Variants in HTRA1 observed in about 807,000 individuals in gnomAD.
HTRA1 encodes the protein serine protease HTRA1.
Under a neutral mutation model 49.7 loss-of-function variants are expected in HTRA1, and 26 were observed. The observed-to-expected ratio is 0.52, with a 90% CI of 0.38 to 0.73. HTRA1 has a LOEUF of 0.73. HTRA1 is among the 30% of genes least tolerant of loss of function. The pLI, the probability that HTRA1 is intolerant of heterozygous loss-of-function variation, is 0.00. For synonymous variants in HTRA1, 291 were observed against 286.9 expected, an observed-to-expected ratio of 1.01 and a Z score of -0.14; for missense variants, 561 against 667.2, an observed-to-expected ratio of 0.84 and a Z score of 1.75.
At chr10:122,503,776 C>A (rs1214587522) in intron 3 of HTRA1, among the ~76,000 whole-genome samples, 2 of 152,164 alleles carry the variant, frequency 1.3e-5, no homozygotes, top group East Asian at 1.9e-4. Context: ...CAATGTGAGA[C>A]CCCTCCCCAC....
At chr10:122,511,367 G>C (rs2097505483) in intron 7 of HTRA1, among the ~76,000 whole-genome samples, 1 of 152,160 alleles carries the variant, frequency 6.6e-6, no homozygotes, top group African/African-American at 2.4e-5. Flanking sequence ...GGCCGAGCTA[G>C]GGCTGCAAAC....
intron 8 of HTRA1, among the ~76,000 whole-genome samples, chr10:122,513,253 T>A (rs758971213): frequency 6.6e-6 from 1 of 152,128 alleles, no homozygotes; most frequent in Non-Finnish European, 1.5e-5. Flanking sequence ...AGGAAGTGCC[T>A]CTTAACAGAA....
At chr10:122,500,930 C>T (rs568732613) in intron 3 of HTRA1, among the ~76,000 whole-genome samples, 1 of 152,258 alleles carries the variant, frequency 6.6e-6, no homozygotes, top group South Asian at 2.1e-4. Context: ...TGTGTTATAC[C>T]CTCTCTGGTC....
chr10:122,475,014 A>T (rs1357376699), intron 1 of HTRA1, among the ~76,000 whole-genome samples: 1 of 152,232 alleles, frequency 6.6e-6, no homozygotes, highest in Non-Finnish European at 1.5e-5. Flanking sequence ...CCAAAGATGC[A>T]GATCTAGGCT....
Position 122,461,649 on chromosome 10 carries a change from C to A in HTRA1, c.-4C>A. 2.3e-6 allele frequency: 3 copies of A among 1,308,824 alleles called. No homozygotes were observed. The highest frequency in any genetic ancestry group is 2.0e-6 in the Non-Finnish European group (2 of 1,012,858). 81.1% of individuals were successfully genotyped at this position (1,308,824 alleles called of 1,614,324 possible). On this transcript the variant is annotated 5_prime_UTR_variant, in exon 1 of 9. Coordinates refer to ENST00000368984, the MANE Select transcript of HTRA1 (RefSeq NM_002775.5). Reference sequence around the variant, plus strand: ...CCGCCACCGCCGCCGCCGCCAGAGTCGCCATGCAGATCCCGCGCGCCGCTC... The same window carrying A: ...CCGCCACCGCCGCCGCCGCCAGAGTAGCCATGCAGATCCCGCGCGCCGCTC...
At position 122,489,339 on chromosome 10, in the gene HTRA1, TG is replaced by T. The variant is rs2097494630; in HGVS notation, c.573-82del. 3.2e-6 allele frequency: 4 copies of T among 1,249,908 alleles called. No homozygotes were observed. In the South Asian group the frequency reaches 3.6e-5, roughly 11 times the overall value. The allele number at this position is 1,249,908 out of a possible 1,614,324, so 77.4% of individuals were successfully genotyped here. A position where few individuals can be genotyped will look rare whatever the true frequency, so the allele number is the denominator to read the frequency against. On this transcript the variant is annotated intron_variant, in intron 2 of 8. Transcript: ENST00000368984. ...GGAGCGATGGCTAGGTGTGTGTGGC[TG>T]TTGCACAACCCATTAATCAATGCGT...
intron 3 of HTRA1, among the ~76,000 whole-genome samples, chr10:122,491,544 C>T (rs2268350): frequency 0.16 from 24,162 of 152,282 alleles, 2,247 homozygotes; most frequent in East Asian, 0.36. Context: ...GCCCCCACTG[C>T]GTAACTTCGT....
chr10:122,511,266 G>T (rs1461407819), intron 7 of HTRA1, among the ~76,000 whole-genome samples: 4 of 152,174 alleles, frequency 2.6e-5, no homozygotes, highest in African/African-American at 9.7e-5. Flanking sequence ...AACTCATGTT[G>T]TAGGGTACTG....
At position 122,484,789 on chromosome 10, in the gene HTRA1, A is replaced by T. The variant is rs545368452; in HGVS notation, c.473-4113A>T. On this transcript the variant is annotated intron_variant, in intron 1 of 8. Coordinates refer to ENST00000368984, the MANE Select transcript of HTRA1 (RefSeq NM_002775.5). Reference sequence around the variant, plus strand: ...CCTGCTGAGGGTCACACTCTGGTCCATCTGAGGCCAGAGCCTGTGCCAGCC... The same window carrying T: ...CCTGCTGAGGGTCACACTCTGGTCCTTCTGAGGCCAGAGCCTGTGCCAGCC... 7.2e-5 allele frequency among the ~76,000 whole-genome samples: 11 copies of T among 152,362 alleles called. No individual in the cohort carries two copies. In the South Asian group the frequency reaches 2.3e-3, roughly 32 times the overall value.
In HTRA1 at chr10:122,514,212, C is replaced by T. The variant is rs368158443; in HGVS notation, c.1296C>T (p.Asp432=). 2.5e-5 allele frequency: 40 copies of T among 1,613,810 alleles called. No homozygotes were observed. The Admixed American group carries it at 3.2e-4, about 13-fold the overall frequency. The change falls in exon 9 of 9, where the codon GAC becomes GAT. Residue 432 remains aspartate, a synonymous_variant. Transcript: ENST00000368984. ...PAEAGGLKEN[D]VIISINGQSV... is the part of the protein sequence containing the mutation. Reference sequence around the variant, plus strand: ...GCAGTGGTGGTCTCAAGGAAAACGACGTCATAATCAGCATCAATGGACAGT... The same window carrying T: ...GCAGTGGTGGTCTCAAGGAAAACGATGTCATAATCAGCATCAATGGACAGT...
rs1258271390 is a variant in HTRA1, at chr10:122,461,946, G to A, written c.294G>A (p.Ser98=). 1 of 1,486,946 alleles carries A rather than the reference G, an allele frequency of 6.7e-7. No individual in the cohort carries two copies. The highest frequency in any genetic ancestry group is 2.4e-4 in the Middle Eastern group (1 of 4,220). The allele number at this position is 1,486,946 out of a possible 1,614,324, so 92.1% of individuals were successfully genotyped here. ...TGGTGCCCTTCGGGGTGCCAGCCTC[G>A]GCCACGGTGCGGCGGCGCGCGCAGG... is the stretch of plus-strand genomic sequence containing the variant. ...QCVVPFGVPA[S]ATVRRRAQAG... The change falls in exon 1 of 9, where the codon TCG becomes TCA. Residue 98 remains serine, a synonymous_variant. Coordinates refer to ENST00000368984, the MANE Select transcript of HTRA1 (RefSeq NM_002775.5).
In HTRA1 at chr10:122,507,263, C is replaced by T. The variant is rs1466677031; in HGVS notation, c.973-107C>T. On this transcript the variant is annotated intron_variant, in intron 4 of 8. Transcript: ENST00000368984. ...ATGGGAATGAATCTCAGAGAAGAAT[C>T]GTGCCCCCCACTCTAGGCACCGTGC... The T allele has an allele frequency of 9.2e-6, 8 of 870,672 alleles. No homozygotes were observed. In the East Asian group the frequency reaches 1.2e-4, roughly 13 times the overall value. The allele number at this position is 870,672 out of a possible 1,614,324, so 53.9% of individuals were successfully genotyped here.
intron 3 of HTRA1, among the ~76,000 whole-genome samples, chr10:122,496,221 G>A (rs1350838984): frequency 8.4e-5 from 4 of 47,640 alleles, no homozygotes; most frequent in Non-Finnish European, 1.2e-4. Context: ...GCCAGAGATT[G>A]TGGGTTCTTT....
At chr10:122,499,771 A>G (rs190170867) in intron 3 of HTRA1, among the ~76,000 whole-genome samples, 131 of 152,386 alleles carry the variant, frequency 8.6e-4, no homozygotes, top group Non-Finnish European at 1.7e-3. Context: ...TTTTTTAAAG[A>G]AAATGAAAGG....
At chr10:122,507,631 G>A (rs1489673714) in intron 5 of HTRA1, among the ~76,000 whole-genome samples, 1 of 152,152 alleles carries the variant, frequency 6.6e-6, no homozygotes, top group East Asian at 1.9e-4. Context: ...GGAGGTGAGG[G>A]TTGGAAATGT....
At chr10:122,496,228 CTTTTTTTTTTTT>C (rs71026021) in intron 3 of HTRA1, among the ~76,000 whole-genome samples, 3 of 75,646 alleles carry the variant, frequency 4.0e-5, no homozygotes, top group African/African-American at 1.6e-4. Flanking sequence ...ATTGTGGGTT[CTTTTTTTTTTTT>C]TTTTTTTTTT....
chr10:122,475,359 T>A (rs979623431), intron 1 of HTRA1, among the ~76,000 whole-genome samples: 13 of 152,184 alleles, frequency 8.5e-5, no homozygotes, highest in Non-Finnish European at 1.3e-4. Flanking sequence ...TGCCAATGTG[T>A]GCTGCAAGTC....
At chr10:122,493,964 C>T (rs1258259602) in intron 3 of HTRA1, among the ~76,000 whole-genome samples, 1 of 152,076 alleles carries the variant, frequency 6.6e-6, no homozygotes, top group African/African-American at 2.4e-5. Context: ...CGCCCCTCTC[C>T]AGCTCCTCAT....
chr10:122,475,302 G>A (rs986936722), intron 1 of HTRA1, among the ~76,000 whole-genome samples: 10 of 152,226 alleles, frequency 6.6e-5, no homozygotes, highest in South Asian at 6.2e-4. Context: ...ACTTGGAGCC[G>A]TCTGGGAGAC....
Sources: allele counts gnomAD v4.1 joint callset (sites outside exome capture counted in the v4.1 genomes callset), GRCh38; gene constraint gnomAD v4.1.1; transcripts MANE v1.5; gene names NCBI Gene and HGNC (gene_info 2026-07-23, HGNC 2026-07-21).